Variants in COBL observed in about 807,000 individuals in gnomAD.
The protein encoded by COBL is protein cordon-bleu.
Under a neutral mutation model 98.8 loss-of-function variants are expected in COBL, and 51 were observed. That is an observed-to-expected ratio of 0.52 (90% confidence interval 0.41 to 0.65). COBL has a LOEUF of 0.65. Ranked by LOEUF, COBL falls within the 30% of genes least tolerant of loss-of-function variation. The pLI is 0.00. For missense variants in COBL, 1,617 were observed against 1,617.5 expected, an observed-to-expected ratio of 1.00 and a Z score of 0.01; for synonymous variants, 634 against 651.7, an observed-to-expected ratio of 0.97 and a Z score of 0.41.
At chr7:51,109,852 T>C (rs1178013334) in intron 6 of COBL, among the ~76,000 whole-genome samples, 1 of 152,110 alleles carries the variant, frequency 6.6e-6, no homozygotes, top group East Asian at 1.9e-4. Context: ...GGCAGCCACA[T>C]GTTTCCGTGG....
intron 6 of COBL, among the ~76,000 whole-genome samples, chr7:51,110,176 T>A (rs774004715): frequency 6.6e-6 from 1 of 152,210 alleles, no homozygotes; most frequent in African/African-American, 2.4e-5. Context: ...ACAATAGTCA[T>A]CCGACTATGC....
At chr7:51,211,274 T>G (rs1792399163) in intron 2 of COBL, among the ~76,000 whole-genome samples, 1 of 152,208 alleles carries the variant, frequency 6.6e-6, no homozygotes, top group African/African-American at 2.4e-5. Context: ...ACATCAGCAC[T>G]GGGTGCAGTG....
At chr7:51,156,526 A>T (rs1227950023) in intron 5 of COBL, 5 of 985,058 alleles carry the variant, frequency 5.1e-6, no homozygotes, top group Non-Finnish European at 6.0e-6. Context: ...ATATAATTAC[A>T]GATCCAGAAT....
chr7:51,254,326 C>T lies in COBL; in HGVS notation c.42-34382G>A, dbSNP rs942451056. Among the ~76,000 whole-genome samples, 6 of 152,230 alleles carry T rather than the reference C, an allele frequency of 3.9e-5. No homozygotes were observed. In the South Asian group the frequency reaches 6.2e-4, roughly 16 times the overall value. On this transcript the variant is annotated intron_variant, in intron 1 of 12. Transcript: ENST00000265136. ...GGAAGGATGAGAGGCGTATGACCTCCGATGATTATACTGTAGTCCTTCTGG... is the reference window on the plus strand; with the variant it reads ...GGAAGGATGAGAGGCGTATGACCTCTGATGATTATACTGTAGTCCTTCTGG...
At chr7:51,115,322 T>C (rs1045475255) in intron 6 of COBL, among the ~76,000 whole-genome samples, 6 of 152,088 alleles carry the variant, frequency 3.9e-5, no homozygotes, top group African/African-American at 1.2e-4. Context: ...CTTGGATTTA[T>C]TTTGTTCTAC....
chr7:51,058,923 A>G (rs1435965057), intron 7 of COBL, among the ~76,000 whole-genome samples: 1 of 151,878 alleles, frequency 6.6e-6, no homozygotes, highest in Non-Finnish European at 1.5e-5. Flanking sequence ...TGCAGATTAC[A>G]CCTTCTCGGC....
intron 1 of COBL, among the ~76,000 whole-genome samples, chr7:51,291,487 A>G (rs1800887608): frequency 6.6e-6 from 1 of 152,234 alleles, no homozygotes; most frequent in South Asian, 2.1e-4. Flanking sequence ...CAAGCCAGGC[A>G]TGGTGGCTCA....
chr7:51,086,655 TGTGTAAAAA>T (rs1259416729), intron 6 of COBL, among the ~76,000 whole-genome samples: 1 of 152,058 alleles, frequency 6.6e-6, no homozygotes, highest in Non-Finnish European at 1.5e-5. Context: ...AGAGTGTGTG[TGTGTAAAAA>T]GTCTCCTTTT....
intron 6 of COBL, among the ~76,000 whole-genome samples, chr7:51,116,620 G>A (rs948535785): frequency 6.6e-6 from 1 of 152,074 alleles, no homozygotes; most frequent in Non-Finnish European, 1.5e-5. Flanking sequence ...AGAAAAAATA[G>A]TTTTTTTATG....
intron 8 of COBL, among the ~76,000 whole-genome samples, chr7:51,038,456 G>A (rs1788850931): frequency 6.6e-6 from 1 of 152,226 alleles, no homozygotes; most frequent in Admixed American, 6.5e-5. Flanking sequence ...GCTTGTCAAT[G>A]TGTGAACCCA....
chr7:51,315,573 A>G (rs1160890237), intron 1 of COBL, among the ~76,000 whole-genome samples: 1 of 140,802 alleles, frequency 7.1e-6, no homozygotes, highest in African/African-American at 2.9e-5. Context: ...GCTCACCCCA[A>G]CCCTCATTCC....
At chr7:51,284,156 C>G (rs1197813704) in intron 1 of COBL, among the ~76,000 whole-genome samples, 1 of 135,328 alleles carries the variant, frequency 7.4e-6, no homozygotes, top group Non-Finnish European at 1.6e-5. Context: ...AAAAAAAGCA[C>G]TAGGCATGGT....
intron 1 of COBL, among the ~76,000 whole-genome samples, chr7:51,271,499 T>A (rs1798755305): frequency 6.6e-6 from 1 of 152,168 alleles, no homozygotes; most frequent in African/African-American, 2.4e-5. Flanking sequence ...ACTAGTTAAT[T>A]TTACAGAAGG....
At chr7:51,119,663 C>T (rs1397436604) in intron 6 of COBL, among the ~76,000 whole-genome samples, 4 of 152,152 alleles carry the variant, frequency 2.6e-5, no homozygotes, top group African/African-American at 9.7e-5. Context: ...CCTGTGTGGT[C>T]CTCCACATCA....
intron 1 of COBL, among the ~76,000 whole-genome samples, chr7:51,255,877 G>GC (rs1433479950): frequency 3.3e-5 from 5 of 152,138 alleles, no homozygotes; most frequent in Non-Finnish European, 7.4e-5. Flanking sequence ...CTCCAGCCCA[G>GC]CCCCTGCTTT....
intron 2 of COBL, among the ~76,000 whole-genome samples, chr7:51,203,028 G>A (rs1036733439): frequency 1.5e-4 from 23 of 151,906 alleles, no homozygotes; most frequent in Admixed American, 9.8e-4. Context: ...GTGACAGAGC[G>A]AGACTCTGTC....
In COBL at chr7:51,298,554, A is replaced by G. The variant is rs1236868480; in HGVS notation, c.41+18039T>C. ...CCCCAGCAACAAAGCAGATGTGAGCAAGGCAGGCCACTCCATTGCTCTTAC... is the reference window on the plus strand; with the variant it reads ...CCCCAGCAACAAAGCAGATGTGAGCGAGGCAGGCCACTCCATTGCTCTTAC... On this transcript the variant is annotated intron_variant, in intron 1 of 12. Coordinates refer to ENST00000265136, the MANE Select transcript of COBL (RefSeq NM_015198.5). Among the ~76,000 whole-genome samples the G allele has an allele frequency of 2.0e-5, 3 of 152,214 alleles. No individual in the cohort carries two copies. In the East Asian group the frequency reaches 5.8e-4, roughly 29 times the overall value.
At chr7:51,043,762 C>CA in intron 7 of COBL, 70 bp from the exon 8 acceptor site, 1 of 1,380,518 alleles carries the variant, frequency 7.2e-7, no homozygotes, top group Non-Finnish European at 9.9e-7. Context: ...ACAAGTGTGA[C>CA]ATCAGTCTGT....
intron 5 of COBL, among the ~76,000 whole-genome samples, chr7:51,182,269 A>G (rs1248061232): frequency 7.0e-6 from 1 of 142,236 alleles, no homozygotes; most frequent in Non-Finnish European, 1.5e-5. Context: ...AAATTCAAAT[A>G]CAAAATTCTG....
Sources: allele counts gnomAD v4.1 joint callset (sites outside exome capture counted in the v4.1 genomes callset), GRCh38; gene constraint gnomAD v4.1.1; transcripts MANE v1.5; gene names NCBI Gene and HGNC (gene_info 2026-07-23, HGNC 2026-07-21).